Variants in FUT8 observed in about 807,000 individuals in gnomAD.
FUT8 encodes alpha-(1,6)-fucosyltransferase.
FUT8 carries 29 observed loss-of-function variants against 71.3 expected under a neutral mutation model. That is an observed-to-expected ratio of 0.41 (90% CI 0.30 to 0.55). The LOEUF is 0.55. Among genes scored for constraint, FUT8 ranks in the 20% least tolerant of loss-of-function variants. The probability of loss-of-function intolerance (pLI) is 0.34; values close to 1 mark genes in which losing one functional copy is unlikely to be tolerated. For missense variants in FUT8, 544 were observed against 702.1 expected (o/e 0.77, Z 2.55); for synonymous variants, 254 against 239.3 (o/e 1.06, Z -0.57).
intron 2 of FUT8, among the ~76,000 whole-genome samples, chr14:65,519,192 G>A (rs911559935): frequency 3.3e-5 from 5 of 152,094 alleles, no homozygotes; most frequent in Non-Finnish European, 5.9e-5. Context: ...GTGTCCCATC[G>A]TATTAGGGAC....
At chr14:65,478,858 T>C (rs999584813) in intron 2 of FUT8, among the ~76,000 whole-genome samples, 4 of 152,228 alleles carry the variant, frequency 2.6e-5, no homozygotes, top group African/African-American at 7.2e-5. Flanking sequence ...TGCTGCCTAA[T>C]TGATGAATCA....
chr14:65,387,496 G>C, the FUT8 span, among the ~76,000 whole-genome samples: 2 of 152,194 alleles, frequency 1.3e-5, no homozygotes, highest in Non-Finnish European at 2.9e-5. Flanking sequence ...CACAACTCTA[G>C]AACTAGCTCT....
At chr14:65,663,100 T>G (rs1892048157) in intron 6 of FUT8, among the ~76,000 whole-genome samples, 1 of 152,156 alleles carries the variant, frequency 6.6e-6, no homozygotes, top group African/African-American at 2.4e-5. Context: ...TATATCTTGC[T>G]CATGGATATG....
chr14:65,549,345 G>T (rs538181222), intron 2 of FUT8, among the ~76,000 whole-genome samples: 1 of 150,226 alleles, frequency 6.7e-6, no homozygotes, highest in Non-Finnish European at 1.5e-5. Flanking sequence ...AAAAGATGTT[G>T]TCCCATTGTC....
chr14:65,579,541 T>G (rs1199940519), intron 3 of FUT8, among the ~76,000 whole-genome samples: 2 of 152,144 alleles, frequency 1.3e-5, no homozygotes, highest in Non-Finnish European at 2.9e-5. Context: ...AAACACAAGT[T>G]TGCTAGATTA....
At chr14:65,633,913 C>G (rs1015074178) in intron 6 of FUT8, among the ~76,000 whole-genome samples, 1 of 151,702 alleles carries the variant, frequency 6.6e-6, no homozygotes, top group African/African-American at 2.4e-5. Context: ...AGCCCCCGCC[C>G]GGCCAGCTGC....
chr14:65,683,769 G>A (rs1893148644), intron 7 of FUT8, among the ~76,000 whole-genome samples: 1 of 152,034 alleles, frequency 6.6e-6, no homozygotes, highest in Admixed American at 6.6e-5. Flanking sequence ...TGATTTTACA[G>A]TTTGTGTAGA....
At chr14:65,617,300 A>C (rs940627306) in intron 5 of FUT8, 3 of 1,188,102 alleles carry the variant, frequency 2.5e-6, no homozygotes, top group African/African-American at 1.6e-5. Context: ...TATTGGAATC[A>C]TTTTAGCATT....
intron 7 of FUT8, among the ~76,000 whole-genome samples, chr14:65,681,072 A>G (rs966812874): frequency 6.6e-6 from 1 of 152,166 alleles, no homozygotes; most frequent in African/African-American, 2.4e-5. Flanking sequence ...TCCCTTTGTG[A>G]TATTTCCCTC....
At chr14:65,552,978 C>G (rs945067703) in intron 2 of FUT8, among the ~76,000 whole-genome samples, 3 of 152,020 alleles carry the variant, frequency 2.0e-5, no homozygotes, top group Non-Finnish European at 4.4e-5. Context: ...TTCCCCCAGA[C>G]AGGGTCTTGC....
chr14:65,634,163 C>T (rs1400219681), intron 6 of FUT8, among the ~76,000 whole-genome samples: 1 of 151,924 alleles, frequency 6.6e-6, no homozygotes, highest in African/African-American at 2.4e-5. Flanking sequence ...CGGATGGTTG[C>T]CGTGTCTGTG....
At chr14:65,506,007 G>T (rs567666261) in intron 2 of FUT8, among the ~76,000 whole-genome samples, 1 of 152,200 alleles carries the variant, frequency 6.6e-6, no homozygotes, top group Non-Finnish European at 1.5e-5. Context: ...TGTTCACTGT[G>T]TAAAGGGTTC....
chr14:65,392,985 T>A, the FUT8 span, among the ~76,000 whole-genome samples: 9 of 152,192 alleles, frequency 5.9e-5, no homozygotes, highest in African/African-American at 2.2e-4. Flanking sequence ...TTAATGAGCA[T>A]CTGTATTTTA....
At chr14:65,561,980 T>C (rs991553740) in intron 3 of FUT8, among the ~76,000 whole-genome samples, 5 of 152,160 alleles carry the variant, frequency 3.3e-5, no homozygotes, top group Non-Finnish European at 5.9e-5. Flanking sequence ...AGAACAGCTT[T>C]GAATGGGGCC....
At chr14:65,402,691 G>T in the FUT8 span, among the ~76,000 whole-genome samples, 130 of 152,142 alleles carry the variant, frequency 8.5e-4, 2 homozygotes, top group East Asian at 0.023. Context: ...TAGAGATGGG[G>T]TTCTTGCCAT....
intron 2 of FUT8, among the ~76,000 whole-genome samples, chr14:65,559,684 C>G (rs1418448610): frequency 6.6e-6 from 1 of 152,062 alleles, no homozygotes; most frequent in African/African-American, 2.4e-5. Context: ...GAATCAATTT[C>G]TTATGCCATC....
chr14:65,639,382 TTGG>T (rs1890722553), intron 6 of FUT8, among the ~76,000 whole-genome samples: 2 of 152,106 alleles, frequency 1.3e-5, no homozygotes, highest in Admixed American at 1.3e-4. Context: ...CCTTAAGTAT[TTGG>T]ATATACTGGG....
chr14:65,627,341 G>T lies in FUT8; in HGVS notation c.483-2151G>T, dbSNP rs1889950839. Among the ~76,000 whole-genome samples, 2 of 152,162 alleles carry T rather than the reference G, an allele frequency of 1.3e-5. No homozygotes were observed. Among genetic ancestry groups the T allele is most frequent in the South Asian group, 4.1e-4 (2 of 4,822 alleles). ...CTTGGAGGAAATAATTTGGCCAGGG[G>T]AACATAAGGCAGAGTGAGAGATCAA... On this transcript the variant is annotated intron_variant, in intron 5 of 10. Coordinates refer to ENST00000673929, the MANE Select transcript of FUT8 (RefSeq NM_001371533.1). The surrounding 1 kb of genome is among the most constrained non-coding windows in gnomAD (Gnocchi z 4.0).
At chr14:65,573,671 A>G (rs1379122653) in intron 3 of FUT8, among the ~76,000 whole-genome samples, 2 of 151,580 alleles carry the variant, frequency 1.3e-5, no homozygotes, top group African/African-American at 4.8e-5. Flanking sequence ...TATTGTACCC[A>G]ATGATCGTGC....
Sources: gnomAD v4.1 joint callset for allele counts (sites outside exome capture counted in the v4.1 genomes callset) on GRCh38, gnomAD v4.1.1 for gene constraint, Gnocchi (gnomAD v3.1) non-coding constraint, MANE v1.5 for transcripts, NCBI Gene and HGNC (gene_info 2026-07-23, HGNC 2026-07-21) for gene names.